Variants in ANP32A observed in about 807,000 individuals in gnomAD.
ANP32A encodes the protein acidic leucine-rich nuclear phosphoprotein 32 family member A.
In ANP32A, 1 loss-of-function variant was observed where a neutral mutation model predicts 33.9. The observed-to-expected ratio is 0.03, with a 90% CI of 0.01 to 0.14. The LOEUF (loss-of-function observed/expected upper bound fraction) is 0.14, where lower values mean the gene tolerates loss of function less well. Among genes scored for constraint, ANP32A ranks in the 10% least tolerant of loss-of-function variants. The pLI, the probability that ANP32A is intolerant of heterozygous loss-of-function variation, is 1.00. For missense variants in ANP32A, 155 were observed against 306.0 expected (o/e 0.51, Z 3.68); for synonymous variants, 115 against 120.5 (o/e 0.95, Z 0.30).
intron 1 of ANP32A, among the ~76,000 whole-genome samples, chr15:68,793,505 A>G (rs768945492): frequency 5.4e-4 from 82 of 152,188 alleles, no homozygotes; most frequent in Non-Finnish European, 9.1e-4. Flanking sequence ...CGGAAGAAAC[A>G]GTAAGCCAAG....
chr15:68,782,935 T>TGCCCA (rs1180360291), intron 5 of ANP32A, 21 bp downstream of exon 5: 1 of 1,551,160 alleles, frequency 6.4e-7, no homozygotes. Flanking sequence ...ACGGTGGCCC[T>TGCCCA]GCCCAGCCCA....
intron 1 of ANP32A, among the ~76,000 whole-genome samples, chr15:68,799,309 T>C (rs1894100763): frequency 6.6e-6 from 1 of 152,022 alleles, no homozygotes; most frequent in Non-Finnish European, 1.5e-5. Flanking sequence ...AAAGACACGA[T>C]GAGGGAAGAA....
intron 1 of ANP32A, among the ~76,000 whole-genome samples, chr15:68,798,077 T>G (rs1432869142): frequency 6.6e-6 from 1 of 152,236 alleles, no homozygotes; most frequent in Non-Finnish European, 1.5e-5. Flanking sequence ...CGGTTAATTC[T>G]GGCTGCTGAA....
At chr15:68,798,762 G>A (rs923888594) in intron 1 of ANP32A, among the ~76,000 whole-genome samples, 6 of 152,256 alleles carry the variant, frequency 3.9e-5, no homozygotes, top group African/African-American at 1.4e-4. Context: ...ATGCAGAGCT[G>A]CAAGTGGAGA....
At chr15:68,819,970 G>GAGAAAGGA (rs1488903306) in intron 1 of ANP32A, among the ~76,000 whole-genome samples, 1 of 152,186 alleles carries the variant, frequency 6.6e-6, no homozygotes, top group East Asian at 1.9e-4. Flanking sequence ...AAGGGAGGGA[G>GAGAAAGGA]GGAGAGAAAG....
At chr15:68,810,540 A>G (rs930882550) in intron 1 of ANP32A, among the ~76,000 whole-genome samples, 2 of 152,158 alleles carry the variant, frequency 1.3e-5, no homozygotes, top group African/African-American at 4.8e-5. Flanking sequence ...CTCAAGCAGT[A>G]AACTTCAAAC....
chr15:68,808,242 T>G (rs1460773655), intron 1 of ANP32A, among the ~76,000 whole-genome samples: 1 of 152,212 alleles, frequency 6.6e-6, no homozygotes, highest in African/African-American at 2.4e-5. Flanking sequence ...ATACACGGAC[T>G]GGGGCACCAC....
chr15:68,818,048 A>G (rs1567041383), intron 1 of ANP32A, among the ~76,000 whole-genome samples: 1 of 152,036 alleles, frequency 6.6e-6, no homozygotes, highest in Non-Finnish European at 1.5e-5. Flanking sequence ...AAAAATAAAT[A>G]AATAAAAATA....
intron 1 of ANP32A, among the ~76,000 whole-genome samples, chr15:68,802,591 G>A (rs1894151727): frequency 6.6e-6 from 1 of 152,172 alleles, no homozygotes; most frequent in African/African-American, 2.4e-5. Context: ...ACGGATAAGA[G>A]CTGGAATCAG....
chr15:68,816,507 G>T (rs1446566085), intron 1 of ANP32A, among the ~76,000 whole-genome samples: 3 of 152,122 alleles, frequency 2.0e-5, no homozygotes, highest in African/African-American at 4.8e-5. Flanking sequence ...GTAAGCACTA[G>T]CTAATATTGT....
intron 1 of ANP32A, among the ~76,000 whole-genome samples, chr15:68,809,963 C>G (rs1191069450): frequency 6.6e-6 from 1 of 152,202 alleles, no homozygotes; most frequent in African/African-American, 2.4e-5. Flanking sequence ...TATGTAGTTA[C>G]AAACTGAAGC....
intron 1 of ANP32A, among the ~76,000 whole-genome samples, chr15:68,819,036 CG>C (rs1261987826): frequency 3.3e-5 from 5 of 152,202 alleles, no homozygotes; most frequent in Admixed American, 6.5e-5. Context: ...TGCGTTAAGG[CG>C]GGGAGGGGGT....
intron 4 of ANP32A, among the ~76,000 whole-genome samples, chr15:68,784,096 G>T (rs1283761788): frequency 6.6e-6 from 1 of 152,212 alleles, no homozygotes; most frequent in Non-Finnish European, 1.5e-5. Flanking sequence ...CAGTTGGATG[G>T]TTTTAAAGGA....
At position 68,787,208 on chromosome 15, in the gene ANP32A, G is replaced by C. The variant is rs1173941904; in HGVS notation, c.327+205C>G. ...CGTACAATAGCTGCCCATTCTGTCT[G>C]TGACCTTGGTCAAGGTATTTAACTT... On this transcript the variant is annotated intron_variant, in intron 3 of 6. Transcript: ENST00000465139. 20 of 654,416 alleles carry C rather than the reference G, an allele frequency of 3.1e-5. No individual in the cohort carries two copies. The East Asian group carries it at 5.9e-4, about 19-fold the overall frequency. The allele number at this position is 654,416 out of a possible 1,614,324, so 40.5% of individuals were successfully genotyped here.
chr15:68,811,759 C>T (rs754638398), intron 1 of ANP32A, among the ~76,000 whole-genome samples: 7 of 151,992 alleles, frequency 4.6e-5, no homozygotes, highest in South Asian at 2.1e-4. Context: ...TTTTTGAGAC[C>T]GAGTTTCGCT....
Position 68,780,007 on chromosome 15 carries a change from A to AGG in ANP32A, c.*72_*73dup, listed in dbSNP as rs3214818. 323 of 1,060,612 alleles carry AGG rather than the reference A, an allele frequency of 3.0e-4. No homozygotes were observed. Among genetic ancestry groups the AGG allele is most frequent in the East Asian group, 1.9e-3 (57 of 29,642 alleles). 65.7% of individuals were successfully genotyped at this position (1,060,612 alleles called of 1,614,324 possible). A position where few individuals can be genotyped will look rare whatever the true frequency, so the allele number is the denominator to read the frequency against. On this transcript the variant is annotated 3_prime_UTR_variant, in exon 7 of 7. Coordinates refer to ENST00000465139, the MANE Select transcript of ANP32A (RefSeq NM_006305.4). The surrounding 1 kb of genome is among the most constrained non-coding windows in gnomAD (Gnocchi z 4.3). The stretch of plus-strand genomic sequence containing the variant: ...AATAAGTTTCAGGGGGCAGGATTGG[A>AGG]GGGGGGGGGGAGAGGGGATATGGGT...
In ANP32A at chr15:68,779,811, C is replaced by G. The variant is rs1299400225; in HGVS notation, c.*270G>C. On this transcript the variant is annotated 3_prime_UTR_variant, in exon 7 of 7. Coordinates refer to ENST00000465139, the MANE Select transcript of ANP32A (RefSeq NM_006305.4). ...AAATGCTCACTTAGTGTGTACTTAG[C>G]TATCGCATTTACAGGGACAAAAACC... The G allele has an allele frequency of 1.3e-5, 6 of 463,388 alleles. No individual in the cohort carries two copies. Among genetic ancestry groups the G allele is most frequent in the African/African-American group, 9.9e-5 (5 of 50,688 alleles). 28.7% of individuals were successfully genotyped at this position (463,388 alleles called of 1,614,324 possible).
At chr15:68,793,801 T>C (rs1490516975) in intron 1 of ANP32A, among the ~76,000 whole-genome samples, 2 of 152,156 alleles carry the variant, frequency 1.3e-5, no homozygotes, top group Admixed American at 1.3e-4. Context: ...TCCAAGACAG[T>C]GACAGCAGCG....
chr15:68,796,787 T>A (rs1395055562), intron 1 of ANP32A, among the ~76,000 whole-genome samples: 1 of 152,306 alleles, frequency 6.6e-6, no homozygotes, highest in Admixed American at 6.5e-5. Flanking sequence ...TCACTACCAC[T>A]CTCTGGGCTT....
Sources: allele counts gnomAD v4.1 joint callset (sites outside exome capture counted in the v4.1 genomes callset), GRCh38; gene constraint gnomAD v4.1.1; non-coding constraint Gnocchi (gnomAD v3.1); transcripts MANE v1.5; gene names NCBI Gene and HGNC (gene_info 2026-07-23, HGNC 2026-07-21).